ACOT12: variants seen among roughly 807,000 people sequenced by gnomAD.
ACOT12 encodes acetyl-coenzyme A thioesterase.
Under a neutral mutation model 67.7 loss-of-function variants are expected in ACOT12, and 51 were observed. The ratio of observed to expected loss-of-function variants is 0.75; its 90% CI spans 0.60 to 0.95. The LOEUF (loss-of-function observed/expected upper bound fraction) is 0.95. ACOT12 is among the 40% of genes least tolerant of loss of function. The probability of loss-of-function intolerance (pLI) is 0.00; values close to 1 mark genes in which losing one functional copy is unlikely to be tolerated. For missense variants in ACOT12, 734 were observed against 708.1 expected (o/e 1.04, Z -0.41); for synonymous variants, 251 against 244.6 (o/e 1.03, Z -0.24).
At chr5:81,340,018 C>A (rs1172549236) in intron 11 of ACOT12, among the ~76,000 whole-genome samples, 1 of 151,710 alleles carries the variant, frequency 6.6e-6, no homozygotes, top group African/African-American at 2.4e-5. Flanking sequence ...TGCTGTCAGA[C>A]CCGGCTTTGA....
At chr5:81,352,761 C>T (rs1027781546) in intron 5 of ACOT12, among the ~76,000 whole-genome samples, 1 of 152,062 alleles carries the variant, frequency 6.6e-6, no homozygotes, top group Admixed American at 6.5e-5. Context: ...GATTGTTTGT[C>T]ACACTTGAAG....
At chr5:81,337,771 T>A (rs955741684) in intron 11 of ACOT12, among the ~76,000 whole-genome samples, 2 of 152,182 alleles carry the variant, frequency 1.3e-5, no homozygotes, top group South Asian at 2.1e-4. Flanking sequence ...ACAATAGATT[T>A]CTAATGTGTC....
chr5:81,349,538 C>A (rs1370097731), intron 5 of ACOT12, among the ~76,000 whole-genome samples: 3 of 152,146 alleles, frequency 2.0e-5, no homozygotes, highest in African/African-American at 7.2e-5. Context: ...CTCTGTGGCC[C>A]CCCCTTGGTC....
At chr5:81,308,609 G>T in the ACOT12 span, 2 of 1,613,480 alleles carry the variant, frequency 1.2e-6, no homozygotes, top group Non-Finnish European at 1.7e-6. Flanking sequence ...AGATTGCCCC[G>T]CCGCCCTTGA....
At chr5:81,335,696 G>A in intron 12 of ACOT12, 72 bp downstream of exon 12, 2 of 1,492,638 alleles carry the variant, frequency 1.3e-6, no homozygotes, top group East Asian at 2.3e-5. Context: ...GATGGAGATG[G>A]ACTTCAGTAT....
At chr5:81,381,242 A>G (rs756766436) in intron 2 of ACOT12, among the ~76,000 whole-genome samples, 2 of 151,782 alleles carry the variant, frequency 1.3e-5, no homozygotes, top group Non-Finnish European at 2.9e-5. Flanking sequence ...AATTTTTTCT[A>G]TTTTTAGTAG....
the ACOT12 span, among the ~76,000 whole-genome samples, chr5:81,317,284 C>T: frequency 2.0e-5 from 3 of 151,964 alleles, no homozygotes; most frequent in African/African-American, 4.8e-5. Flanking sequence ...GGCGGATCAC[C>T]TGAGGTCAGG....
chr5:81,356,590 C>G (rs1369744316), intron 5 of ACOT12, among the ~76,000 whole-genome samples: 1 of 152,094 alleles, frequency 6.6e-6, no homozygotes, highest in Non-Finnish European at 1.5e-5. Context: ...CTCCATATGC[C>G]TAAAACTGAA....
At position 81,332,540 on chromosome 5, in the gene ACOT12, A is replaced by T. The variant is rs1758862420; in HGVS notation, c.1328T>A (p.Leu443Gln). Reference sequence around the variant, plus strand: ...CAAGTCTTTGGGTTTGTCATCATTCAGTATAGGACAGGTGATGTGATACAG... The same window carrying T: ...CAAGTCTTTGGGTTTGTCATCATTCTGTATAGGACAGGTGATGTGATACAG... Reference protein sequence around the residue: ...DQLYHITCPILNDDKPKDLVV... With the variant: ...DQLYHITCPIQNDDKPKDLVV... The change falls in exon 13 of 15, where the codon CTG becomes CAG. Residue 443 changes from leucine to glutamine, a missense_variant. By Grantham distance (113) the Leu-to-Gln change is moderately radical (BLOSUM62 -2). Coordinates refer to ENST00000307624, the MANE Select transcript of ACOT12 (RefSeq NM_130767.3). The T allele has an allele frequency of 9.3e-6, 15 of 1,614,106 alleles. No homozygotes were observed. Among genetic ancestry groups the T allele is most frequent in the Non-Finnish European group, 1.3e-5 (15 of 1,180,000 alleles).
chr5:81,342,728 C>A lies in ACOT12; in HGVS notation c.1072G>T (p.Ala358Ser), dbSNP rs1484203553. The A allele has an allele frequency of 1.2e-6, 2 of 1,614,080 alleles. No homozygotes were observed. Among genetic ancestry groups the A allele is most frequent in the East Asian group, 4.5e-5 (2 of 44,884 alleles). Residue 358 changes from alanine (A) to serine (S), a missense_variant, in exon 11 of 15, where the codon GCC becomes TCC. Transcript: ENST00000307624. ...QASLSDSNVE[A>S]LKKLAAKRGW... is the part of the protein sequence containing the mutation. ...CTTTTGGCTGCCAGTTTTTTGAGGG[C>A]CTCCACATTGCTGTCACTCAGGGAT...
chr5:81,332,808 A>C (rs1354438261), intron 12 of ACOT12, among the ~76,000 whole-genome samples: 1 of 152,182 alleles, frequency 6.6e-6, no homozygotes, highest in Non-Finnish European at 1.5e-5. Flanking sequence ...TCATGCCTGC[A>C]ATCCTAACAC....
At chr5:81,314,811 G>C in the ACOT12 span, among the ~76,000 whole-genome samples, 1 of 118,080 alleles carries the variant, frequency 8.5e-6, no homozygotes, top group Non-Finnish European at 1.7e-5. Flanking sequence ...TGAATCCCCT[G>C]AGACTTTAAA....
chr5:81,328,878 C>T (rs1421810341), downstream of ACOT12, among the ~76,000 whole-genome samples: 1 of 152,088 alleles, frequency 6.6e-6, no homozygotes, highest in Non-Finnish European at 1.5e-5. Context: ...ATATTCTATA[C>T]CTGTATAGTC....
chr5:81,372,192 T>A (rs1456364615), intron 2 of ACOT12, among the ~76,000 whole-genome samples: 1 of 152,174 alleles, frequency 6.6e-6, no homozygotes, highest in Non-Finnish European at 1.5e-5. Context: ...AGTTAATACA[T>A]AAATGGACAA....
At chr5:81,385,969 G>T in intron 1 of ACOT12, 143 bp from the exon 2 acceptor site, 1 of 691,092 alleles carries the variant, frequency 1.4e-6, no homozygotes, top group Non-Finnish European at 2.5e-6. Flanking sequence ...ACACTTTCTG[G>T]ATCAACTGGC....
intron 3 of ACOT12, among the ~76,000 whole-genome samples, chr5:81,367,906 AAATT>A (rs1370741038): frequency 6.6e-6 from 1 of 152,218 alleles, no homozygotes; most frequent in African/African-American, 2.4e-5. Context: ...TTGTCTGGCT[AAATT>A]AATGTCAGAC....
chr5:81,310,875 A>G, the ACOT12 span, among the ~76,000 whole-genome samples: 2 of 152,208 alleles, frequency 1.3e-5, no homozygotes, highest in Non-Finnish European at 2.9e-5. Context: ...TACAGGTCCA[A>G]GGGTTCACAG....
chr5:81,378,470 G>A (rs1760484650), intron 2 of ACOT12, among the ~76,000 whole-genome samples: 1 of 152,096 alleles, frequency 6.6e-6, no homozygotes, highest in Non-Finnish European at 1.5e-5. Context: ...GGCAACAAAA[G>A]CCAAAATAGA....
At chr5:81,320,688 G>C in the ACOT12 span, among the ~76,000 whole-genome samples, 2 of 152,114 alleles carry the variant, frequency 1.3e-5, no homozygotes, top group Admixed American at 1.3e-4. Context: ...AAGAAAATAT[G>C]ACATTATGAA....
Sources: allele counts gnomAD v4.1 joint callset (sites outside exome capture counted in the v4.1 genomes callset), GRCh38; gene constraint gnomAD v4.1.1; transcripts MANE v1.5; gene names NCBI Gene and HGNC (gene_info 2026-07-23, HGNC 2026-07-21).